HTR1F: variants seen among roughly 807,000 people sequenced by gnomAD.
HTR1F encodes the protein 5-hydroxytryptamine (serotonin) receptor 1F, G protein-coupled.
Under a neutral mutation model 24.0 loss-of-function variants are expected in HTR1F, and 17 were observed. That is an observed-to-expected ratio of 0.71 (90% CI 0.48 to 1.06). The LOEUF is 1.06. Among genes scored for constraint, HTR1F ranks in the 50% least tolerant of loss-of-function variants. HTR1F has a pLI of 0.00. For missense variants in HTR1F, 391 were observed against 427.8 expected (o/e 0.91, Z 0.76); for synonymous variants, 186 against 156.8 (o/e 1.19, Z -1.39).
chr3:87,933,563 G>A (rs143652543), intron 2 of HTR1F, among the ~76,000 whole-genome samples: 4,890 of 152,090 alleles, frequency 0.032, 241 homozygotes, highest in African/African-American at 0.11. Context: ...ACCAATAACA[G>A]ACAAACAGAG....
intron 2 of HTR1F, among the ~76,000 whole-genome samples, chr3:87,892,805 T>C (rs1266620289): frequency 6.6e-6 from 1 of 152,128 alleles, no homozygotes; most frequent in Non-Finnish European, 1.5e-5. Context: ...AGTTTGCATC[T>C]GGATCTCTTG....
intron 2 of HTR1F, among the ~76,000 whole-genome samples, chr3:87,892,113 C>T (rs1179074276): frequency 3.3e-5 from 5 of 152,200 alleles, no homozygotes; most frequent in Non-Finnish European, 7.4e-5. Context: ...TAGAACCTAT[C>T]AATAGCTCTG....
chr3:87,988,323 CAGAA>C (rs1170741701), intron 2 of HTR1F, among the ~76,000 whole-genome samples: 1 of 146,182 alleles, frequency 6.8e-6, no homozygotes, highest in African/African-American at 2.5e-5. Context: ...AAAAAAAAAA[CAGAA>C]AGGCAACTAC....
intron 2 of HTR1F, among the ~76,000 whole-genome samples, chr3:87,903,922 G>T (rs1189804348): frequency 1.3e-5 from 2 of 152,054 alleles, no homozygotes; most frequent in African/African-American, 2.4e-5. Flanking sequence ...ATAACCAAAC[G>T]ATTATTTAAG....
intron 2 of HTR1F, among the ~76,000 whole-genome samples, chr3:87,965,703 C>T (rs181679225): frequency 2.4e-4 from 36 of 152,238 alleles, no homozygotes; most frequent in Admixed American, 8.5e-4. Context: ...ACAGAATTAA[C>T]ACAAATGCCT....
intron 2 of HTR1F, among the ~76,000 whole-genome samples, chr3:87,878,977 A>G (rs1160319393): frequency 6.6e-6 from 1 of 152,170 alleles, no homozygotes; most frequent in African/African-American, 2.4e-5. Flanking sequence ...ACTGTTATGT[A>G]TATGTAAATA....
At chr3:87,865,176 C>T (rs1277895575) in intron 2 of HTR1F, among the ~76,000 whole-genome samples, 6 of 152,198 alleles carry the variant, frequency 3.9e-5, no homozygotes, top group South Asian at 2.1e-4. Flanking sequence ...TGCTTCAATA[C>T]GTCAAATTCC....
At chr3:87,916,714 C>A (rs975679914) in intron 2 of HTR1F, among the ~76,000 whole-genome samples, 1 of 152,012 alleles carries the variant, frequency 6.6e-6, no homozygotes, top group African/African-American at 2.4e-5. Context: ...CTGGAGCTCC[C>A]AATTTTACAA....
At chr3:87,955,824 CA>C (rs1704931418) in intron 2 of HTR1F, among the ~76,000 whole-genome samples, 1 of 151,278 alleles carries the variant, frequency 6.6e-6, no homozygotes, top group Non-Finnish European at 1.5e-5. Context: ...TTGGACTATT[CA>C]AATATCTTCT....
intron 2 of HTR1F, among the ~76,000 whole-genome samples, chr3:87,842,091 C>G (rs1446179977): frequency 6.6e-6 from 1 of 151,736 alleles, no homozygotes; most frequent in Non-Finnish European, 1.5e-5. Flanking sequence ...ACATTGTATA[C>G]TTATTCTTCT....
At chr3:87,804,275 A>G (rs1157103954) in intron 1 of HTR1F, among the ~76,000 whole-genome samples, 2 of 152,132 alleles carry the variant, frequency 1.3e-5, no homozygotes, top group Non-Finnish European at 2.9e-5. Flanking sequence ...AAAACTTTTT[A>G]AAGAATAAAA....
At chr3:87,844,539 C>A (rs1704892469) in intron 2 of HTR1F, among the ~76,000 whole-genome samples, 1 of 130,966 alleles carries the variant, frequency 7.6e-6, no homozygotes, top group Non-Finnish European at 1.6e-5. Flanking sequence ...TTAATTAGAT[C>A]CCATTTGTCA....
chr3:87,969,535 A>AT (rs1705241650), intron 2 of HTR1F, among the ~76,000 whole-genome samples: 1 of 152,140 alleles, frequency 6.6e-6, no homozygotes, highest in Admixed American at 6.5e-5. Flanking sequence ...AATTTCTCCC[A>AT]TTTTGAATGG....
At chr3:87,929,704 C>A (rs1311498950) in intron 2 of HTR1F, among the ~76,000 whole-genome samples, 1 of 152,136 alleles carries the variant, frequency 6.6e-6, no homozygotes, top group Admixed American at 6.6e-5. Flanking sequence ...TTACTGTAGC[C>A]TTGTAAGATA....
chr3:87,911,872 C>T (rs1035668187), intron 2 of HTR1F, among the ~76,000 whole-genome samples: 3 of 152,096 alleles, frequency 2.0e-5, no homozygotes, highest in African/African-American at 7.2e-5. Flanking sequence ...AACTTCCTTT[C>T]ATGTTCAAAA....
chr3:87,899,452 C>T (rs755607077), intron 2 of HTR1F, among the ~76,000 whole-genome samples: 8 of 152,068 alleles, frequency 5.3e-5, no homozygotes, highest in Admixed American at 6.6e-5. Flanking sequence ...TTTTAATTTA[C>T]GTAGAAGTTA....
intron 2 of HTR1F, among the ~76,000 whole-genome samples, chr3:87,867,633 A>C (rs1705458009): frequency 6.6e-6 from 1 of 152,160 alleles, no homozygotes; most frequent in Non-Finnish European, 1.5e-5. Flanking sequence ...TCACTACAGG[A>C]AACTAGATGT....
chr3:87,794,752 A>G (rs894822747), intron 1 of HTR1F, among the ~76,000 whole-genome samples: 1 of 152,314 alleles, frequency 6.6e-6, no homozygotes, highest in South Asian at 2.1e-4. Context: ...CGCATTAGCC[A>G]AATTTTATTA....
chr3:87,802,973 C>A (rs1453762105), intron 1 of HTR1F, among the ~76,000 whole-genome samples: 1 of 152,086 alleles, frequency 6.6e-6, no homozygotes, highest in Admixed American at 6.6e-5. Context: ...GCTTGACAAG[C>A]CAAGGAGGAC....
Sources: gnomAD v4.1 joint callset for allele counts (sites outside exome capture counted in the v4.1 genomes callset) on GRCh38, gnomAD v4.1.1 for gene constraint, MANE v1.5 for transcripts, NCBI Gene and HGNC (gene_info 2026-07-23, HGNC 2026-07-21) for gene names.